CEP135: variants seen among roughly 807,000 people sequenced by gnomAD.
CEP135 encodes centrosomal protein of 135 kDa.
CEP135 carries 142 observed loss-of-function variants against 157.3 expected under a neutral mutation model. The ratio of observed to expected loss-of-function variants is 0.90; its 90% CI spans 0.79 to 1.04. The LOEUF (loss-of-function observed/expected upper bound fraction) is 1.04. CEP135 is among the 50% of genes least tolerant of loss of function. The probability of loss-of-function intolerance (pLI) is 0.00; values close to 1 mark genes in which losing one functional copy is unlikely to be tolerated. For missense variants in CEP135, 1,317 were observed against 1,309.2 expected (o/e 1.01, Z -0.09); for synonymous variants, 396 against 439.8 (o/e 0.90, Z 1.25).
intron 7 of CEP135, 70 bp from the exon 8 acceptor site, chr4:55,965,574 T>G (rs1321260166): frequency 1.0e-6 from 1 of 988,004 alleles, no homozygotes; most frequent in African/African-American, 1.7e-5. Flanking sequence ...TTTTGAAGTA[T>G]TATTTGGAAA....
intron 23 of CEP135, 107 bp downstream of exon 23, chr4:56,019,662 G>T (rs909357793): frequency 5.9e-6 from 5 of 853,494 alleles, no homozygotes; most frequent in Admixed American, 2.8e-5. Context: ...TAGGCCAGGT[G>T]CAGTGGCTCA....
In CEP135 at chr4:55,959,674, C is replaced by G; in HGVS notation, c.615-8C>G. The G allele has an allele frequency of 6.2e-7, 1 of 1,612,044 alleles. No individual in the cohort carries two copies. Among genetic ancestry groups the G allele is most frequent in the Non-Finnish European group, 8.5e-7 (1 of 1,178,270 alleles). On this transcript the variant is annotated splice_region_variant and splice_polypyrimidine_tract_variant and intron_variant, in intron 5 of 25. Transcript: ENST00000257287. ...AGTGTATTGGCATTAATTTAAAGTGCTTTTCAGGATTCAAGAACTTCAACA... is the reference window on the plus strand; with the variant it reads ...AGTGTATTGGCATTAATTTAAAGTGGTTTTCAGGATTCAAGAACTTCAACA...
intron 24 of CEP135, among the ~76,000 whole-genome samples, chr4:56,024,038 G>T (rs1731068636): frequency 7.2e-6 from 1 of 139,644 alleles, no homozygotes; most frequent in African/African-American, 2.6e-5. Context: ...GTTATATATT[G>T]TATATTTTAT....
chr4:56,000,825 A>G (rs184488644), intron 17 of CEP135, among the ~76,000 whole-genome samples: 1 of 152,074 alleles, frequency 6.6e-6, no homozygotes, highest in Non-Finnish European at 1.5e-5. Context: ...AGGAACCTTC[A>G]TACACTGTTT....
At chr4:55,956,665 C>T (rs1728514327) in intron 4 of CEP135, among the ~76,000 whole-genome samples, 1 of 151,908 alleles carries the variant, frequency 6.6e-6, no homozygotes, top group South Asian at 2.1e-4. Context: ...GGTTAGAGTG[C>T]AGTGGCGCAA....
chr4:55,961,894 G>A (rs762127518), intron 6 of CEP135, among the ~76,000 whole-genome samples: 21 of 151,442 alleles, frequency 1.4e-4, no homozygotes. Context: ...GGTGGGCAGG[G>A]TATTGTTCTT....
At chr4:56,020,142 G>A (rs2611823) in intron 23 of CEP135, among the ~76,000 whole-genome samples, 82,312 of 151,900 alleles carry the variant, frequency 0.54, 22,563 homozygotes, top group African/African-American at 0.62. Context: ...AAGTGTTCTC[G>A]GGAGAAGAAG....
Position 56,020,681 on chromosome 4 carries a change from G to A in CEP135, c.3221G>A (p.Ser1074Asn). The A allele has an allele frequency of 6.2e-7, 1 of 1,613,090 alleles. No homozygotes were observed. Among genetic ancestry groups the A allele is most frequent in the Non-Finnish European group, 8.5e-7 (1 of 1,179,468 alleles). The change falls in exon 24 of 26, where the codon AGT (serine) becomes AAT (asparagine). Residue 1074 changes from serine to asparagine, a missense_variant. Transcript: ENST00000257287. ...TTTTTTAATTTGTTTTTAAGAACTA[G>A]TCAAAGCCGGGAAAACACCATGCTT... is the stretch of plus-strand genomic sequence containing the variant. ...KLTLSESKLT[S>N]QSRENTMLRA...
At chr4:56,021,557 C>A (rs1429979326) in intron 24 of CEP135, among the ~76,000 whole-genome samples, 3 of 152,184 alleles carry the variant, frequency 2.0e-5, no homozygotes, top group African/African-American at 7.2e-5. Flanking sequence ...TTCCATTACT[C>A]TTTCCTACTA....
At chr4:55,995,698 A>G (rs1195804163) in intron 15 of CEP135, among the ~76,000 whole-genome samples, 1 of 152,322 alleles carries the variant, frequency 6.6e-6, no homozygotes, top group Admixed American at 6.5e-5. Context: ...TGTAAAAACC[A>G]TTTACACCAC....
intron 5 of CEP135, among the ~76,000 whole-genome samples, chr4:55,958,566 A>G (rs1352582704): frequency 6.6e-6 from 1 of 152,156 alleles, no homozygotes; most frequent in African/African-American, 2.4e-5. Flanking sequence ...TTAGGGAATT[A>G]TTTGGGCTGC....
chr4:55,974,767 T>C lies in CEP135; in HGVS notation c.1271T>C (p.Val424Ala). ...ACAGAACGACAACTTACTCTGGAGG[T>C]TGAGAGGATGAGACTAGAACATGGA... is the stretch of plus-strand genomic sequence containing the variant. ...AVTERQLTLEVERMRLEHGIK... is the reference protein window; with the variant it reads ...AVTERQLTLEAERMRLEHGIK... Residue 424 changes from valine to alanine, a missense_variant, in exon 11 of 26, where the codon GTT becomes GCT. By Grantham distance (64) the Val-to-Ala change is moderately conservative. Transcript: ENST00000257287. 6.2e-7 allele frequency: 1 copy of C among 1,612,802 alleles called. No individual in the cohort carries two copies. The highest frequency in any genetic ancestry group is 8.5e-7 in the Non-Finnish European group (1 of 1,179,456).
intron 17 of CEP135, among the ~76,000 whole-genome samples, chr4:56,005,869 T>C (rs1015489513): frequency 1.3e-5 from 2 of 152,214 alleles, no homozygotes; most frequent in African/African-American, 4.8e-5. Context: ...TGACATATTC[T>C]TGTATGGCAG....
rs1728443401 is a variant in CEP135 at position 55,954,263 on chromosome 4, A to C, written c.352A>C (p.Lys118Gln). 1 of 1,606,246 alleles carries C rather than the reference A, an allele frequency of 6.2e-7. No homozygotes were observed. The highest frequency in any genetic ancestry group is 8.5e-7 in the Non-Finnish European group (1 of 1,176,760). The change falls in exon 4 of 26, where the codon AAA becomes CAA. Residue 118 changes from lysine to glutamine, a missense_variant. Transcript: ENST00000257287. ...ATGTGCACGTGAAACAGCTGATCTGAAATTTCTGAATAACCAATATGCTCA... is the reference window on the plus strand; with the variant it reads ...ATGTGCACGTGAAACAGCTGATCTGCAATTTCTGAATAACCAATATGCTCA... ...KKCARETADLKFLNNQYAHKL... is the reference protein window; with the variant it reads ...KKCARETADLQFLNNQYAHKL...
Position 55,999,665 on chromosome 4 carries a change from A to G in CEP135, c.2280+20A>G. On this transcript the variant is annotated intron_variant, in intron 17 of 25. Transcript: ENST00000257287. ...AATAAAGTATGTGATCGTTTAATGT[A>G]ATTTTCCAGCATCCAAACAGAACAG... 6.3e-7 allele frequency: 1 copy of G among 1,576,262 alleles called. No homozygotes were observed. Among genetic ancestry groups the G allele is most frequent in the Non-Finnish European group, 8.5e-7 (1 of 1,169,816 alleles).
chr4:56,022,700 A>G (rs772917557), intron 24 of CEP135, among the ~76,000 whole-genome samples: 13 of 152,200 alleles, frequency 8.5e-5, no homozygotes, highest in Non-Finnish European at 1.5e-4. Flanking sequence ...ACATACCCAG[A>G]CACAGGGAAG....
At chr4:55,972,226 G>A (rs1051265575) in intron 10 of CEP135, among the ~76,000 whole-genome samples, 6 of 152,160 alleles carry the variant, frequency 3.9e-5, no homozygotes, top group African/African-American at 1.2e-4. Flanking sequence ...TGTGTGCCAG[G>A]CCCTGTTTTT....
At chr4:55,959,544 G>A (rs1728613941) in intron 5 of CEP135, 138 bp from the exon 6 acceptor site, 3 of 693,828 alleles carry the variant, frequency 4.3e-6, no homozygotes, top group Non-Finnish European at 7.6e-6. Flanking sequence ...TATTGATTTG[G>A]GGACCCTTTG....
chr4:55,963,706 A>C (rs917421408), intron 6 of CEP135, among the ~76,000 whole-genome samples: 3 of 152,242 alleles, frequency 2.0e-5, no homozygotes, highest in African/African-American at 7.2e-5. Flanking sequence ...AGATCATGCC[A>C]CTGCACTCCA....
Sources: allele counts gnomAD v4.1 joint callset (sites outside exome capture counted in the v4.1 genomes callset), GRCh38; gene constraint gnomAD v4.1.1; transcripts MANE v1.5; gene names NCBI Gene and HGNC (gene_info 2026-07-23, HGNC 2026-07-21).